The following EPC2 variants were observed in gnomAD, a reference collection of about 807,000 sequenced individuals.
The protein encoded by EPC2 is enhancer of polycomb 2, also known as enhancer of polycomb homolog 2.
Under a neutral mutation model 92.1 loss-of-function variants are expected in EPC2, and 14 were observed. The observed-to-expected ratio is 0.15, with a 90% CI of 0.10 to 0.24. The LOEUF (loss-of-function observed/expected upper bound fraction) is 0.24, where lower values mean the gene tolerates loss of function less well. EPC2 is among the 10% of genes least tolerant of loss of function. EPC2 has a pLI of 1.00. For synonymous variants in EPC2, 340 were observed against 334.7 expected (o/e 1.02, Z -0.17); for missense variants, 755 against 971.5 (o/e 0.78, Z 2.96).
At chr2:148,683,001 T>A (rs1007076157) in intron 1 of EPC2, among the ~76,000 whole-genome samples, 9 of 152,198 alleles carry the variant, frequency 5.9e-5, no homozygotes, top group African/African-American at 1.7e-4. Flanking sequence ...TTATATCTGA[T>A]TCTATTTCTT....
chr2:148,661,321 C>G (rs1342384657), intron 1 of EPC2, among the ~76,000 whole-genome samples: 1 of 152,088 alleles, frequency 6.6e-6, no homozygotes, highest in African/African-American at 2.4e-5. Flanking sequence ...GGAATCTTCT[C>G]TCTCATTATA....
At chr2:148,740,401 T>G (rs1022508005) in intron 2 of EPC2, among the ~76,000 whole-genome samples, 1 of 152,050 alleles carries the variant, frequency 6.6e-6, no homozygotes, top group African/African-American at 2.4e-5. Context: ...ATCTCCAAAA[T>G]CTATAATGAT....
At chr2:148,744,390 A>G (rs1682940186) in intron 3 of EPC2, among the ~76,000 whole-genome samples, 1 of 152,114 alleles carries the variant, frequency 6.6e-6, no homozygotes, top group Non-Finnish European at 1.5e-5. Context: ...TTTTTGAGCA[A>G]GAATGTTCAG....
At chr2:148,728,516 G>A (rs1451868775) in intron 2 of EPC2, among the ~76,000 whole-genome samples, 1 of 151,998 alleles carries the variant, frequency 6.6e-6, no homozygotes, top group Non-Finnish European at 1.5e-5. Context: ...GCCTAGACTT[G>A]AGGCCAGAAG....
intron 2 of EPC2, among the ~76,000 whole-genome samples, chr2:148,703,941 T>C (rs1681940762): frequency 6.6e-6 from 1 of 152,200 alleles, no homozygotes; most frequent in Non-Finnish European, 1.5e-5. Flanking sequence ...TTGGAACTCT[T>C]GTGGACTGTT....
intron 2 of EPC2, among the ~76,000 whole-genome samples, chr2:148,703,923 G>A (rs1342784937): frequency 1.3e-5 from 2 of 152,210 alleles, no homozygotes; most frequent in East Asian, 1.9e-4. Context: ...TAGCAAGGAT[G>A]TGGTGAATTG....
rs1683871083 is a variant in EPC2 at position 148,786,500 on chromosome 2, A to G, written c.*123A>G. ...AATGGACCTAAATGGACTATAGTAT[A>G]TTGGATGTTAAATCCATATATGATG... On this transcript the variant is annotated 3_prime_UTR_variant, in exon 14 of 14. Coordinates refer to ENST00000258484, the MANE Select transcript of EPC2 (RefSeq NM_015630.4). The G allele has an allele frequency of 1.5e-6, 1 of 669,982 alleles. No homozygotes were observed. Among genetic ancestry groups the G allele is most frequent in the South Asian group, 2.2e-5 (1 of 45,216 alleles). 41.5% of individuals were successfully genotyped at this position (669,982 alleles called of 1,614,324 possible).
chr2:148,699,983 T>A (rs963534327), intron 2 of EPC2, among the ~76,000 whole-genome samples: 1 of 152,222 alleles, frequency 6.6e-6, no homozygotes, highest in Admixed American at 6.5e-5. Flanking sequence ...TAACATAAGA[T>A]GTTGATCACC....
chr2:148,743,717 T>C lies in EPC2; in HGVS notation c.409T>C (p.Leu137=). The part of the protein sequence containing the change: ...RLNRKMEIKP[L]QFEIMIDRLE... ...TAACAGAAAGATGGAAATTAAGCCT[T>C]TGCAATTTGAAATTATGATTGACAG... The change falls in exon 3 of 14, where the codon TTG becomes CTG. Residue 137 remains leucine, a synonymous_variant. Coordinates refer to ENST00000258484, the MANE Select transcript of EPC2 (RefSeq NM_015630.4). The C allele has an allele frequency of 1.9e-6, 3 of 1,605,554 alleles. No individual in the cohort carries two copies. Among genetic ancestry groups the C allele is most frequent in the Non-Finnish European group, 8.5e-7 (1 of 1,176,502 alleles).
At position 148,672,159 on chromosome 2, in the gene EPC2, T is replaced by C. The variant is rs566613370; in HGVS notation, c.154-18055T>C. Among the ~76,000 whole-genome samples, 9 of 152,334 alleles carry C rather than the reference T, an allele frequency of 5.9e-5. No homozygotes were observed. In the East Asian group the frequency reaches 1.5e-3, roughly 26 times the overall value. On this transcript the variant is annotated intron_variant, in intron 1 of 13. Coordinates refer to ENST00000258484, the MANE Select transcript of EPC2 (RefSeq NM_015630.4). ...AAGAAGTACTTAAAAGTAAGTCTTA[T>C]AATTGTTATATATTACTGGTGAATT...
chr2:148,659,345 C>T (rs1309874465), intron 1 of EPC2, among the ~76,000 whole-genome samples: 2 of 152,038 alleles, frequency 1.3e-5, no homozygotes, highest in East Asian at 3.9e-4. Flanking sequence ...TTAAGAATCA[C>T]ATTTTAGTTG....
chr2:148,738,123 AAACAAC>A (rs3077276), intron 2 of EPC2, among the ~76,000 whole-genome samples: 15 of 151,890 alleles, frequency 9.9e-5, no homozygotes, highest in East Asian at 1.9e-4. Flanking sequence ...ATGCCATTTG[AAACAAC>A]AACAACAACA....
At chr2:148,781,911 C>A (rs573723022) in intron 11 of EPC2, 131 bp downstream of exon 11, 2 of 1,007,240 alleles carry the variant, frequency 2.0e-6, no homozygotes, top group East Asian at 2.6e-5. Flanking sequence ...ACCTGAATTT[C>A]TTTTCAGTTA....
intron 8 of EPC2, 40 bp downstream of exon 8, chr2:148,769,280 G>C: frequency 7.2e-7 from 1 of 1,381,084 alleles, no homozygotes; most frequent in Non-Finnish European, 1.0e-6. Context: ...TTGTGAACTG[G>C]AATTAACAGG....
At chr2:148,741,163 T>C (rs999712517) in intron 2 of EPC2, among the ~76,000 whole-genome samples, 1 of 152,180 alleles carries the variant, frequency 6.6e-6, no homozygotes, top group Non-Finnish European at 1.5e-5. Context: ...GTAACTCCTC[T>C]GATTTAACTT....
At chr2:148,669,024 T>TTA (rs1681105347) in intron 1 of EPC2, among the ~76,000 whole-genome samples, 4 of 152,216 alleles carry the variant, frequency 2.6e-5, no homozygotes, top group Admixed American at 6.5e-5. Context: ...GTGTGCTGCT[T>TTA]TATTACATCT....
At chr2:148,687,998 G>T (rs1247325768) in intron 1 of EPC2, among the ~76,000 whole-genome samples, 1 of 152,050 alleles carries the variant, frequency 6.6e-6, no homozygotes, top group Admixed American at 6.6e-5. Flanking sequence ...ATGTCTTGCT[G>T]AACGAAACTT....
intron 2 of EPC2, among the ~76,000 whole-genome samples, chr2:148,709,982 C>G (rs1682100506): frequency 6.6e-6 from 1 of 151,972 alleles, no homozygotes; most frequent in Non-Finnish European, 1.5e-5. Context: ...GCAAAAAAAG[C>G]CAAAATTGAC....
At chr2:148,651,431 G>A (rs545962445) in intron 1 of EPC2, among the ~76,000 whole-genome samples, 1 of 152,228 alleles carries the variant, frequency 6.6e-6, no homozygotes, top group Non-Finnish European at 1.5e-5. Context: ...ACTAAAAACC[G>A]TTTAAAACAT....
Sources: gnomAD v4.1 joint callset for allele counts (sites outside exome capture counted in the v4.1 genomes callset) on GRCh38, gnomAD v4.1.1 for gene constraint, MANE v1.5 for transcripts, NCBI Gene and HGNC (gene_info 2026-07-23, HGNC 2026-07-21) for gene names.